Variants in KCNH3 observed in about 807,000 individuals in gnomAD.
KCNH3 encodes potassium voltage-gated channel subfamily H member 3.
KCNH3 carries 36 observed loss-of-function variants against 95.6 expected under a neutral mutation model. The ratio of observed to expected loss-of-function variants is 0.38; its 90% CI spans 0.29 to 0.50. KCNH3 has a LOEUF of 0.50. Ranked by LOEUF, KCNH3 falls within the 20% of genes least tolerant of loss-of-function variation. KCNH3 has a pLI of 0.95. For synonymous variants in KCNH3, 620 were observed against 646.3 expected, an observed-to-expected ratio of 0.96 and a Z score of 0.62; for missense variants, 1,030 against 1,484.1, an observed-to-expected ratio of 0.69 and a Z score of 5.03.
At chr12:49,543,132 A>C in intron 4 of KCNH3, 143 bp from the exon 5 acceptor site, 1 of 931,466 alleles carries the variant, frequency 1.1e-6, no homozygotes, top group Non-Finnish European at 1.6e-6. Context: ...TATAAAATGG[A>C]GATGCTAATG....
intron 11 of KCNH3, among the ~76,000 whole-genome samples, chr12:49,555,040 G>C (rs1022709913): frequency 8.5e-5 from 13 of 152,080 alleles, no homozygotes; most frequent in African/African-American, 3.1e-4. Flanking sequence ...GTTTAATTAG[G>C]CTGAGGGACC....
chr12:49,545,868 A>G (rs1418677153), intron 7 of KCNH3, among the ~76,000 whole-genome samples: 1 of 152,064 alleles, frequency 6.6e-6, no homozygotes, highest in Non-Finnish European at 1.5e-5. Context: ...ATTTTCCCCA[A>G]GTGCTCTCAC....
chr12:49,555,671 GAGA>G lies in KCNH3; in HGVS notation c.2191_2193del (p.Lys731del), dbSNP rs754329147. The G allele has an allele frequency of 7.1e-5, 114 of 1,599,016 alleles. No individual in the cohort carries two copies. The highest frequency in any genetic ancestry group is 1.3e-4 in the African/African-American group (10 of 74,520). On this transcript the variant is annotated inframe_deletion, in exon 12 of 15. Coordinates refer to ENST00000257981, the MANE Select transcript of KCNH3 (RefSeq NM_012284.3). ...CAATACCCTTATGTCCACGCTGGAGGAGAAGGAGACAGATGGGGAGCAGGGCCC... is the reference window on the plus strand; with the variant it reads ...CAATACCCTTATGTCCACGCTGGAGGAGGAGACAGATGGGGAGCAGGGCCC...
chr12:49,554,649 A>G, intron 11 of KCNH3, 95 bp downstream of exon 11: 2 of 1,119,900 alleles, frequency 1.8e-6, no homozygotes, highest in Non-Finnish European at 2.6e-6. Context: ...CTGTGTGTGA[A>G]GTGTGGCCTG....
chr12:49,544,795 A>C, intron 7 of KCNH3, among the ~76,000 whole-genome samples: 2 of 136,932 alleles, frequency 1.5e-5, no homozygotes, highest in African/African-American at 2.8e-5. Flanking sequence ...TTCTCTTGTC[A>C]CCTCCAGTCC....
rs1429136246 is a variant in KCNH3 at position 49,556,470 on chromosome 12, G to C, written c.2569G>C (p.Gly857Arg). 2 of 1,612,600 alleles carry C rather than the reference G, an allele frequency of 1.2e-6. No homozygotes were observed. Among genetic ancestry groups the C allele is most frequent in the Admixed American group, 1.7e-5 (1 of 60,020 alleles). Residue 857 changes from glycine to arginine, a missense_variant, in exon 13 of 15, where the codon GGA becomes CGA. Physicochemically the swap from Gly to Arg is moderately radical, Grantham distance 125. Coordinates refer to ENST00000257981, the MANE Select transcript of KCNH3 (RefSeq NM_012284.3). ...GPECSSSPSP[G>R]PESGLLTVPH... The stretch of plus-strand genomic sequence containing the variant: ...GGAATGTAGCAGCAGCCCCTCCCCT[G>C]GACCAGGTACCAGGGCCCCGGGATG...
In KCNH3 at chr12:49,557,475, G is replaced by A; in HGVS notation, c.2774G>A (p.Gly925Glu). ...EGPCPRASGE[G>E]PCPASTSGLL... Reference sequence around the variant, plus strand: ...CCGTGCCCTCGGGCATCGGGAGAGGGGCCGTGCCCAGCCAGCACCTCCGGG... The same window carrying A: ...CCGTGCCCTCGGGCATCGGGAGAGGAGCCGTGCCCAGCCAGCACCTCCGGG... The change falls in exon 15 of 15, where the codon GGG becomes GAG. Residue 925 changes from glycine to glutamate, a missense_variant. Around this residue, in one of 9 missense-constraint regions of KCNH3, gnomAD observed 464 missense variants for 493.2 expected, o/e 0.94. Transcript: ENST00000257981. 6.2e-7 allele frequency: 1 copy of A among 1,611,400 alleles called. No homozygotes were observed. The highest frequency in any genetic ancestry group is 8.5e-7 in the Non-Finnish European group (1 of 1,179,550).
chr12:49,543,387 T>A lies in KCNH3; in HGVS notation c.692T>A (p.Ile231Asn). ...CTGAGAGCCACCTGGGATGGCTTCATCCTGCTCGCCACACTCTATGTGGCT... is the reference window on the plus strand; with the variant it reads ...CTGAGAGCCACCTGGGATGGCTTCAACCTGCTCGCCACACTCTATGTGGCT... The part of the protein sequence containing the change: ...GALRATWDGF[I>N]LLATLYVAVT... Residue 231 changes from isoleucine to asparagine, a missense_variant, in exon 5 of 15, where the codon ATC becomes AAC. By Grantham distance (149) the Ile-to-Asn change is moderately radical. Around this residue, in one of 9 missense-constraint regions of KCNH3, gnomAD observed 153 missense variants for 288.5 expected, o/e 0.53. Coordinates refer to ENST00000257981, the MANE Select transcript of KCNH3 (RefSeq NM_012284.3). 6.2e-7 allele frequency: 1 copy of A among 1,612,372 alleles called. No homozygotes were observed. Among genetic ancestry groups the A allele is most frequent in the Non-Finnish European group, 8.5e-7 (1 of 1,180,022 alleles).
chr12:49,544,225 C>T lies in KCNH3; in HGVS notation c.1032C>T (p.Arg344=), dbSNP rs1193762907. The change falls in exon 7 of 15, where the codon CGC becomes CGT. Residue 344 remains arginine, a synonymous_variant. Coordinates refer to ENST00000257981, the MANE Select transcript of KCNH3 (RefSeq NM_012284.3). ...LKTVRLLRLL[R]LLPRLDRYSQ... is the part of the protein sequence containing the mutation. ...CGGTGCGCCTGCTGCGCCTGCTGCG[C>T]CTGCTTCCGCGGCTGGACCGGTACT... 6.3e-7 allele frequency: 1 copy of T among 1,594,574 alleles called. No individual in the cohort carries two copies. Among genetic ancestry groups the T allele is most frequent in the Non-Finnish European group, 8.5e-7 (1 of 1,173,720 alleles).
chr12:49,545,996 A>G (rs1233512864), intron 7 of KCNH3: 1 of 152,060 alleles, frequency 6.6e-6, no homozygotes, highest in Non-Finnish European at 1.5e-5. Flanking sequence ...AAGATGGACA[A>G]TGGTGAAACA....
At chr12:49,540,156 C>G (rs1246647380) in intron 1 of KCNH3, among the ~76,000 whole-genome samples, 1 of 152,276 alleles carries the variant, frequency 6.6e-6, no homozygotes, top group African/African-American at 2.4e-5. Context: ...CTCACATCCC[C>G]CGTGGGGCTT....
intron 10 of KCNH3, among the ~76,000 whole-genome samples, chr12:49,551,097 G>T (rs1468613668): frequency 6.6e-6 from 1 of 152,212 alleles, no homozygotes; most frequent in Non-Finnish European, 1.5e-5. Flanking sequence ...GGCCAGCCGG[G>T]GCTGGAGCCC....
chr12:49,544,625 C>T (rs1007793247), intron 7 of KCNH3, among the ~76,000 whole-genome samples: 16 of 152,080 alleles, frequency 1.1e-4, no homozygotes, highest in Non-Finnish European at 2.4e-4. Context: ...CTCCTGTGGC[C>T]AAATGTTGGT....
chr12:49,540,560 C>T (rs572727975), intron 1 of KCNH3, among the ~76,000 whole-genome samples: 2 of 152,246 alleles, frequency 1.3e-5, no homozygotes, highest in East Asian at 1.9e-4. Context: ...GAGGCTGGCC[C>T]AGAGCTGGCA....
At chr12:49,555,295 A>G (rs1414556450) in intron 11 of KCNH3, among the ~76,000 whole-genome samples, 1 of 151,302 alleles carries the variant, frequency 6.6e-6, no homozygotes, top group Non-Finnish European at 1.5e-5. Context: ...AAAAAAAAAA[A>G]AAAAAAATGA....
At chr12:49,544,145 T>TTCCC in intron 6 of KCNH3, 30 bp from the exon 7 acceptor site, 7 of 818,340 alleles carry the variant, frequency 8.6e-6, no homozygotes, top group Non-Finnish European at 5.9e-6. Flanking sequence ...CTGACCTCCC[T>TTCCC]CCCTCCCTCC....
chr12:49,544,351 C>G lies in KCNH3; in HGVS notation c.1158C>G (p.Ile386Met). The G allele has an allele frequency of 3.7e-6, 6 of 1,613,542 alleles. No homozygotes were observed. The highest frequency in any genetic ancestry group is 3.4e-6 in the Non-Finnish European group (4 of 1,180,034). Residue 386 changes from isoleucine (I) to methionine (M), a missense_variant, in exon 7 of 15, where the codon ATC becomes ATG. By Grantham distance (10) the Ile-to-Met change is conservative (BLOSUM62 1). This residue lies in a region of KCNH3 where 153 missense variants were observed against 288.5 expected (regional missense o/e 0.53). Transcript: ENST00000257981. ...GGTTTTACATTGGCCAGCGGGAGAT[C>G]GAGAGCAGCGAATCCGAGCTGCCTG... ...CVWFYIGQRE[I>M]ESSESELPEI...
In KCNH3 at chr12:49,557,691, C is replaced by G; in HGVS notation, c.2990C>G (p.Thr997Ser). ...WPRATAFWTS[T>S]SDSEPPASGD... Reference sequence around the variant, plus strand: ...CGAGCCACAGCTTTCTGGACCTCCACCTCAGACTCAGAGCCCCCTGCCTCA... The same window carrying G: ...CGAGCCACAGCTTTCTGGACCTCCAGCTCAGACTCAGAGCCCCCTGCCTCA... Residue 997 changes from threonine to serine, a missense_variant, in exon 15 of 15, where the codon ACC becomes AGC. Transcript: ENST00000257981. 1 of 1,613,876 alleles carries G rather than the reference C, an allele frequency of 6.2e-7. No individual in the cohort carries two copies. Among genetic ancestry groups the G allele is most frequent in the Admixed American group, 1.7e-5 (1 of 60,030 alleles).
chr12:49,542,652 C>T, intron 3 of KCNH3, 54 bp from the exon 4 acceptor site: 1 of 1,520,532 alleles, frequency 6.6e-7, no homozygotes, highest in Non-Finnish European at 8.8e-7. Flanking sequence ...TGACCCGGAG[C>T]TAGGGTGTGT....
Sources: allele counts gnomAD v4.1 joint callset (sites outside exome capture counted in the v4.1 genomes callset), GRCh38; gene constraint gnomAD v4.1.1; regional missense constraint gnomAD v4.1.1; transcripts MANE v1.5; gene names NCBI Gene and HGNC (gene_info 2026-07-23, HGNC 2026-07-21).